Variants in SIPA1L2 observed in about 807,000 individuals in gnomAD.
SIPA1L2 encodes signal induced proliferation associated 1 like 2.
A neutral mutation model predicts 163.9 loss-of-function variants in SIPA1L2; 56 were observed. That is an observed-to-expected ratio of 0.34 (90% confidence interval 0.28 to 0.43). SIPA1L2 has a LOEUF of 0.43. SIPA1L2 is among the 20% of genes least tolerant of loss of function. The pLI, the probability that SIPA1L2 is intolerant of heterozygous loss-of-function variation, is 1.00. For synonymous variants in SIPA1L2, 877 were observed against 865.7 expected (o/e 1.01, Z -0.23); for missense variants, 1,974 against 2,193.5 (o/e 0.90, Z 2.00).
At chr1:232,522,394 C>T (rs1451839329) in intron 2 of SIPA1L2, among the ~76,000 whole-genome samples, 2 of 152,062 alleles carry the variant, frequency 1.3e-5, no homozygotes, top group African/African-American at 4.8e-5. Flanking sequence ...TTATTTCCTG[C>T]CTTACTAAGA....
intron 2 of SIPA1L2, among the ~76,000 whole-genome samples, chr1:232,560,093 C>T (rs1419285285): frequency 6.6e-6 from 1 of 152,216 alleles, no homozygotes; most frequent in African/African-American, 2.4e-5. Context: ...AAGGAACTAA[C>T]TCAGAACAGA....
chr1:232,455,183 T>G (rs1265961695), intron 10 of SIPA1L2, among the ~76,000 whole-genome samples: 1 of 152,236 alleles, frequency 6.6e-6, no homozygotes, highest in Non-Finnish European at 1.5e-5. Flanking sequence ...TTGTTCTGTA[T>G]TGTTTTCACA....
rs1026208993 is a variant in SIPA1L2 at position 232,454,577 on chromosome 1, C to T, written c.3095+6310G>A. On this transcript the variant is annotated intron_variant, in intron 10 of 22. Coordinates refer to ENST00000674635, the MANE Select transcript of SIPA1L2 (RefSeq NM_020808.5). ...TAGCTATCTGACGCCTGATTTTTGA[C>T]GAATGTATTTCTATGGGGGGAGAAT... 5.3e-5 allele frequency among the ~76,000 whole-genome samples: 8 copies of T among 152,130 alleles called. No homozygotes were observed. The East Asian group carries it at 1.2e-3, about 22-fold the overall frequency.
intron 3 of SIPA1L2, among the ~76,000 whole-genome samples, chr1:232,495,324 G>A (rs1205592723): frequency 6.6e-6 from 1 of 152,148 alleles, no homozygotes. Flanking sequence ...AGCACTTTGG[G>A]AGGCCGAGGC....
intron 3 of SIPA1L2, among the ~76,000 whole-genome samples, chr1:232,501,342 C>T (rs7534024): frequency 0.33 from 50,245 of 151,904 alleles, 9,672 homozygotes; most frequent in East Asian, 0.69. Flanking sequence ...AAACATTGTG[C>T]GACTCACTTT....
rs970831606 is a variant in SIPA1L2, at chr1:232,608,070, C to T, written c.-319+21799G>A. Among the ~76,000 whole-genome samples the T allele has an allele frequency of 8.6e-5, 8 of 93,362 alleles. No homozygotes were observed. The South Asian group carries it at 2.4e-3, about 27-fold the overall frequency. 61.2% of individuals were successfully genotyped at this position (93,362 alleles called of 152,430 possible). A position where few individuals can be genotyped will look rare whatever the true frequency, so the allele number is the denominator to read the frequency against. The stretch of plus-strand genomic sequence containing the variant: ...CTCAAAAAAAAAAAAAAAAAAAAAA[C>T]GAGTCTTACTCTGTCACCCAGGTTG... On this transcript the variant is annotated intron_variant, in intron 1 of 22. Transcript: ENST00000674635.
At chr1:232,623,385 C>T (rs1417313662) in intron 1 of SIPA1L2, among the ~76,000 whole-genome samples, 1 of 152,154 alleles carries the variant, frequency 6.6e-6, no homozygotes, top group Non-Finnish European at 1.5e-5. Flanking sequence ...GCGGGCAGAT[C>T]ACGAGGTCAG....
intron 1 of SIPA1L2, among the ~76,000 whole-genome samples, chr1:232,598,897 G>C (rs1323817847): frequency 6.7e-6 from 1 of 149,252 alleles, no homozygotes; most frequent in East Asian, 2.0e-4. Flanking sequence ...AAGACAAACA[G>C]GCCTCAGCTG....
chr1:232,487,577 T>A (rs4233064), intron 5 of SIPA1L2, among the ~76,000 whole-genome samples: 38,304 of 152,122 alleles, frequency 0.25, 4,960 homozygotes, highest in Admixed American at 0.35. Context: ...TTTACAGTCA[T>A]CCTCTATAAT....
chr1:232,453,186 T>C (rs10910511), intron 10 of SIPA1L2, among the ~76,000 whole-genome samples: 47,834 of 152,102 alleles, frequency 0.31, 8,259 homozygotes, highest in East Asian at 0.57. Context: ...AAAAGTAGGA[T>C]GCATGACTTT....
intron 2 of SIPA1L2, among the ~76,000 whole-genome samples, chr1:232,526,298 G>T (rs1162867121): frequency 6.6e-6 from 1 of 151,878 alleles, no homozygotes; most frequent in East Asian, 1.9e-4. Flanking sequence ...AAGCAGGCCA[G>T]ATGGTGTGTA....
At chr1:232,442,003 A>G in intron 12 of SIPA1L2, 135 bp from the exon 13 acceptor site, 1 of 677,270 alleles carries the variant, frequency 1.5e-6, no homozygotes, top group Non-Finnish European at 2.5e-6. Flanking sequence ...GCAAATGAAA[A>G]TGCAAATTGT....
At chr1:232,577,948 A>G (rs1573113676) in intron 1 of SIPA1L2, among the ~76,000 whole-genome samples, 1 of 152,302 alleles carries the variant, frequency 6.6e-6, no homozygotes, top group South Asian at 2.1e-4. Flanking sequence ...GTCAAATGCT[A>G]TGAAACAGCA....
chr1:232,582,938 C>T lies in SIPA1L2; in HGVS notation c.-318-8716G>A, dbSNP rs143883040. On this transcript the variant is annotated intron_variant, in intron 1 of 22. Transcript: ENST00000674635. ...ATATATAAGGAAGACTCGTTGGAAA[C>T]CAATACATCCCTGCTAAATTCAAGC... Among the ~76,000 whole-genome samples the T allele has an allele frequency of 4.0e-3, 613 of 152,292 alleles. 5 individuals carry two copies. Among genetic ancestry groups the T allele is most frequent in the Admixed American group, 5.8e-3 (88 of 15,298 alleles).
At chr1:232,620,986 C>T (rs538079370) in intron 1 of SIPA1L2, among the ~76,000 whole-genome samples, 3 of 152,310 alleles carry the variant, frequency 2.0e-5, no homozygotes, top group East Asian at 3.9e-4. Flanking sequence ...TAGGGATTCA[C>T]ATTCAACTGG....
In SIPA1L2 at chr1:232,398,889, T is replaced by G. The variant is rs778614577; in HGVS notation, c.*238A>C. On this transcript the variant is annotated 3_prime_UTR_variant, in exon 23 of 23. Coordinates refer to ENST00000674635, the MANE Select transcript of SIPA1L2 (RefSeq NM_020808.5). ...AAAAGGTCTCAACTGTCGCCAGGGTTTACATTCATCTTCACACCAGGAGTT... is the reference window on the plus strand; with the variant it reads ...AAAAGGTCTCAACTGTCGCCAGGGTGTACATTCATCTTCACACCAGGAGTT... The G allele has an allele frequency of 3.9e-6, 2 of 508,230 alleles. No homozygotes were observed. Among genetic ancestry groups the G allele is most frequent in the Non-Finnish European group, 6.9e-6 (2 of 288,040 alleles). The allele number at this position is 508,230 out of a possible 1,614,324, so 31.5% of individuals were successfully genotyped here.
chr1:232,421,384 A>G (rs1263162790), intron 18 of SIPA1L2, among the ~76,000 whole-genome samples: 1 of 152,090 alleles, frequency 6.6e-6, no homozygotes, highest in East Asian at 1.9e-4. Flanking sequence ...CACAGTAACC[A>G]TCTTTACTGA....
At chr1:232,451,985 A>T (rs983983438) in intron 10 of SIPA1L2, among the ~76,000 whole-genome samples, 1 of 126,364 alleles carries the variant, frequency 7.9e-6, no homozygotes, top group Non-Finnish European at 1.7e-5. Context: ...CATTCTGTAG[A>T]CCAAGAAGGT....
At chr1:232,414,694 G>A (rs1473033539) in intron 19 of SIPA1L2, among the ~76,000 whole-genome samples, 2 of 152,176 alleles carry the variant, frequency 1.3e-5, no homozygotes, top group Non-Finnish European at 1.5e-5. Flanking sequence ...CTAGCTGCCA[G>A]GTTCCCCAGT....
Sources: gnomAD v4.1 joint callset for allele counts (sites outside exome capture counted in the v4.1 genomes callset) on GRCh38, gnomAD v4.1.1 for gene constraint, MANE v1.5 for transcripts, NCBI Gene and HGNC (gene_info 2026-07-23, HGNC 2026-07-21) for gene names.